The following TRAK1 variants were observed in gnomAD, a reference collection of about 807,000 sequenced individuals.
TRAK1 encodes trafficking kinesin protein 1.
In TRAK1, 33 loss-of-function variants were observed where a neutral mutation model predicts 92.1. The ratio of observed to expected loss-of-function variants is 0.36; its 90% confidence interval spans 0.27 to 0.48. The LOEUF is 0.48. Ranked by LOEUF, TRAK1 falls within the 20% of genes least tolerant of loss-of-function variation. The probability of loss-of-function intolerance (pLI) is 0.99; values close to 1 mark genes in which losing one functional copy is unlikely to be tolerated. For missense variants in TRAK1, 1,123 were observed against 1,257.9 expected (o/e 0.89, Z 1.62); for synonymous variants, 521 against 517.3 (o/e 1.01, Z -0.10).
At chr3:42,126,702 G>A (rs1321452181) in intron 2 of TRAK1, among the ~76,000 whole-genome samples, 1 of 152,080 alleles carries the variant, frequency 6.6e-6, no homozygotes, top group Non-Finnish European at 1.5e-5. Flanking sequence ...ACCAGCTTAT[G>A]TTGCATCTTT....
At chr3:42,173,155 A>G (rs528771103) in intron 2 of TRAK1, among the ~76,000 whole-genome samples, 1 of 152,042 alleles carries the variant, frequency 6.6e-6, no homozygotes, top group Admixed American at 6.5e-5. Flanking sequence ...CTAACAAAAG[A>G]AAAAAAAATT....
chr3:42,135,271 C>T (rs1452958312), intron 2 of TRAK1, among the ~76,000 whole-genome samples: 1 of 152,198 alleles, frequency 6.6e-6, no homozygotes, highest in African/African-American at 2.4e-5. Context: ...CTCTTCTGTA[C>T]AGAGGGTGGA....
At chr3:42,044,440 A>C (rs1281422225) in intron 1 of TRAK1, among the ~76,000 whole-genome samples, 1 of 151,892 alleles carries the variant, frequency 6.6e-6, no homozygotes, top group Non-Finnish European at 1.5e-5. Flanking sequence ...GGGAATACAG[A>C]AGTGAGCCAT....
At chr3:42,084,165 C>CT (rs546407288), upstream of TRAK1, among the ~76,000 whole-genome samples, 1 of 152,008 alleles carries the variant, frequency 6.6e-6, no homozygotes, top group African/African-American at 2.4e-5. Context: ...TTGTCTTAAG[C>CT]TTTTTTTGTT....
chr3:42,145,155 T>C (rs1005215458), intron 2 of TRAK1, among the ~76,000 whole-genome samples: 1 of 152,238 alleles, frequency 6.6e-6, no homozygotes, highest in Non-Finnish European at 1.5e-5. Context: ...AAAAGATATA[T>C]GCAGTTTTGA....
intron 4 of TRAK1, among the ~76,000 whole-genome samples, chr3:42,187,431 C>G (rs1470402556): frequency 1.3e-5 from 2 of 152,180 alleles, no homozygotes; most frequent in Non-Finnish European, 2.9e-5. Flanking sequence ...CTGGCTATTT[C>G]CAAAGCCCCT....
intron 1 of TRAK1, among the ~76,000 whole-genome samples, chr3:42,045,696 G>T (rs1440582941): frequency 6.6e-6 from 1 of 152,172 alleles, no homozygotes; most frequent in African/African-American, 2.4e-5. Flanking sequence ...GGAGTAGGGG[G>T]CATTTGCTGG....
At chr3:42,172,640 G>T (rs1383559706) in intron 2 of TRAK1, among the ~76,000 whole-genome samples, 1 of 151,992 alleles carries the variant, frequency 6.6e-6, no homozygotes. Context: ...GTCAGGCTTC[G>T]AACCCCCTGA....
intron 2 of TRAK1, among the ~76,000 whole-genome samples, chr3:42,141,099 A>G (rs1468064926): frequency 6.6e-6 from 1 of 152,218 alleles, no homozygotes; most frequent in Non-Finnish European, 1.5e-5. Flanking sequence ...TGCATCATTT[A>G]TATACTTTAT....
intron 1 of TRAK1, among the ~76,000 whole-genome samples, chr3:42,114,959 C>T (rs1018971242): frequency 2.0e-4 from 30 of 152,242 alleles, no homozygotes; most frequent in African/African-American, 6.0e-4. Flanking sequence ...GTGATCTGCC[C>T]GCCTCCGCTT....
intron 13 of TRAK1, among the ~76,000 whole-genome samples, chr3:42,206,332 G>A (rs1051295013): frequency 6.6e-6 from 1 of 152,140 alleles, no homozygotes; most frequent in African/African-American, 2.4e-5. Context: ...TGACATAACT[G>A]AAATAGCACA....
chr3:42,158,390 A>G (rs1369379253), intron 2 of TRAK1, among the ~76,000 whole-genome samples: 1 of 152,194 alleles, frequency 6.6e-6, no homozygotes, highest in Non-Finnish European at 1.5e-5. Flanking sequence ...TCAGGGGTTC[A>G]GAATAACCAT....
At chr3:42,053,244 G>A (rs779930362) in intron 1 of TRAK1, among the ~76,000 whole-genome samples, 1 of 152,078 alleles carries the variant, frequency 6.6e-6, no homozygotes, top group Non-Finnish European at 1.5e-5. Flanking sequence ...TACAGTTCGT[G>A]TAGTGTGATA....
chr3:42,141,290 T>G (rs552220426), intron 2 of TRAK1, among the ~76,000 whole-genome samples: 1 of 152,320 alleles, frequency 6.6e-6, no homozygotes, highest in South Asian at 2.1e-4. Context: ...ATCTATTAGA[T>G]TCTCTTAAAT....
At chr3:42,047,681 T>G (rs2148909639) in intron 1 of TRAK1, among the ~76,000 whole-genome samples, 1 of 152,276 alleles carries the variant, frequency 6.6e-6, no homozygotes, top group Non-Finnish European at 1.5e-5. Flanking sequence ...TGTAAAATAA[T>G]GACTATTTTT....
chr3:42,028,984 G>A (rs1702016226), intron 1 of TRAK1, among the ~76,000 whole-genome samples: 1 of 152,154 alleles, frequency 6.6e-6, no homozygotes, highest in African/African-American at 2.4e-5. Flanking sequence ...TGCACAGGAA[G>A]CATGGTGCTG....
chr3:42,168,887 G>A (rs552030236), intron 2 of TRAK1, among the ~76,000 whole-genome samples: 2 of 152,166 alleles, frequency 1.3e-5, no homozygotes, highest in Non-Finnish European at 2.9e-5. Flanking sequence ...GCAGTGGCAG[G>A]ATCTCAGCTC....
intron 1 of TRAK1, among the ~76,000 whole-genome samples, chr3:42,061,525 A>G (rs894924793): frequency 6.6e-6 from 1 of 151,974 alleles, no homozygotes; most frequent in African/African-American, 2.4e-5. Flanking sequence ...GGGGAAAACA[A>G]TCAGCTGCTA....
intron 1 of TRAK1, among the ~76,000 whole-genome samples, chr3:42,048,360 T>A (rs1702842431): frequency 6.6e-6 from 1 of 152,150 alleles, no homozygotes; most frequent in Non-Finnish European, 1.5e-5. Context: ...AGCATGGCTC[T>A]CAGTTCAATG....
Sources: gnomAD v4.1 joint callset for allele counts (sites outside exome capture counted in the v4.1 genomes callset) on GRCh38, gnomAD v4.1.1 for gene constraint, MANE v1.5 for transcripts, NCBI Gene and HGNC (gene_info 2026-07-23, HGNC 2026-07-21) for gene names.